PLEKHM3: variants seen among roughly 807,000 people sequenced by gnomAD.
The protein encoded by PLEKHM3 is pleckstrin homology domain containing M3.
A neutral mutation model predicts 81.8 loss-of-function variants in PLEKHM3; 45 were observed. The observed-to-expected ratio is 0.55, with a 90% CI of 0.43 to 0.71. The LOEUF (loss-of-function observed/expected upper bound fraction) is 0.71. Ranked by LOEUF, PLEKHM3 falls within the 30% of genes least tolerant of loss-of-function variation. The pLI is 0.00. For synonymous variants in PLEKHM3, 352 were observed against 356.4 expected, an observed-to-expected ratio of 0.99 and a Z score of 0.14; for missense variants, 788 against 924.3, an observed-to-expected ratio of 0.85 and a Z score of 1.91.
chr2:207,838,441 T>C (rs2092332264), intron 7 of PLEKHM3, among the ~76,000 whole-genome samples: 1 of 152,256 alleles, frequency 6.6e-6, no homozygotes, highest in Admixed American at 6.5e-5. Flanking sequence ...ACTTAAATCT[T>C]GGCTTTAAAA....
chr2:207,918,577 C>T (rs183467030), intron 5 of PLEKHM3, among the ~76,000 whole-genome samples: 1 of 152,048 alleles, frequency 6.6e-6, no homozygotes, highest in Admixed American at 6.6e-5. Context: ...CAAAAAACCA[C>T]TCTCATGGGG....
chr2:207,956,113 T>C (rs980787500), intron 3 of PLEKHM3, among the ~76,000 whole-genome samples: 3 of 152,158 alleles, frequency 2.0e-5, no homozygotes, highest in African/African-American at 7.2e-5. Context: ...CTGAGGCTCA[T>C]TGTAAATAGA....
intron 3 of PLEKHM3, among the ~76,000 whole-genome samples, chr2:207,959,920 T>A (rs962418863): frequency 2.0e-5 from 3 of 152,330 alleles, no homozygotes; most frequent in African/African-American, 7.2e-5. Context: ...CTTGGTGTAT[T>A]TTCTCTTCCT....
At chr2:207,846,299 A>T (rs950971874) in intron 7 of PLEKHM3, among the ~76,000 whole-genome samples, 3 of 151,462 alleles carry the variant, frequency 2.0e-5, no homozygotes, top group Non-Finnish European at 2.9e-5. Context: ...CCGCCACCAC[A>T]CCCGGCTAAT....
At chr2:207,892,411 T>C (rs987875015) in intron 6 of PLEKHM3, among the ~76,000 whole-genome samples, 5 of 152,228 alleles carry the variant, frequency 3.3e-5, no homozygotes, top group Admixed American at 1.3e-4. Context: ...TAAAATACTA[T>C]AGCTTCTCCT....
chr2:207,839,777 A>C (rs886259458), intron 7 of PLEKHM3, among the ~76,000 whole-genome samples: 1 of 152,126 alleles, frequency 6.6e-6, no homozygotes, highest in Non-Finnish European at 1.5e-5. Flanking sequence ...ACAGAAAAAA[A>C]TTAGCTGGGT....
intron 7 of PLEKHM3, among the ~76,000 whole-genome samples, chr2:207,844,396 G>A (rs1454041191): frequency 5.4e-5 from 8 of 148,912 alleles, no homozygotes; most frequent in African/African-American, 1.5e-4. Context: ...TCCGCCTCCC[G>A]GGCTCACGCC....
At chr2:208,004,095 C>T (rs1482914953) in intron 1 of PLEKHM3, among the ~76,000 whole-genome samples, 1 of 151,662 alleles carries the variant, frequency 6.6e-6, no homozygotes, top group Admixed American at 6.6e-5. Context: ...ATTTTTTATG[C>T]TTCTGGCTTG....
chr2:207,989,375 T>G (rs770101407), intron 2 of PLEKHM3, among the ~76,000 whole-genome samples: 7 of 152,190 alleles, frequency 4.6e-5, no homozygotes, highest in Non-Finnish European at 1.0e-4. Flanking sequence ...GGAGGTGGTA[T>G]CTGAGGTAGA....
Position 208,012,244 on chromosome 2 carries a change from C to T in PLEKHM3, c.-318-10287G>A, listed in dbSNP as rs188059084. On this transcript the variant is annotated intron_variant, in intron 1 of 7. Coordinates refer to ENST00000427836, the MANE Select transcript of PLEKHM3 (RefSeq NM_001080475.3). Reference sequence around the variant, plus strand: ...TTTTTTAGTAGAGACGGGGTTTCACCGTGTTAGCCAGGATGGTTTCCATCT... The same window carrying T: ...TTTTTTAGTAGAGACGGGGTTTCACTGTGTTAGCCAGGATGGTTTCCATCT... Among the ~76,000 whole-genome samples, 245 of 152,192 alleles carry T rather than the reference C, an allele frequency of 1.6e-3. 2 individuals are homozygous for T. The highest frequency in any genetic ancestry group is 2.9e-3 in the Non-Finnish European group (197 of 67,994).
rs375277146 is a variant in PLEKHM3, at chr2:207,861,200, C to T, written c.2013G>A (p.Val671=). The change falls in exon 7 of 8, where the codon GTG becomes GTA. Residue 671 remains valine (V), a synonymous_variant. Coordinates refer to ENST00000427836, the MANE Select transcript of PLEKHM3 (RefSeq NM_001080475.3). ...TCTGGCTACAAAGACTGCAGCTGTA[C>T]ACGTGTGAGGTGGCAAATTTAATGA... ...GKVIKFATSH[V]YSCSLCSQKG... 6.2e-7 allele frequency: 1 copy of T among 1,613,966 alleles called. No homozygotes were observed. Among genetic ancestry groups the T allele is most frequent in the African/African-American group, 1.3e-5 (1 of 74,910 alleles).
At chr2:207,964,688 C>T (rs1690853879) in intron 3 of PLEKHM3, among the ~76,000 whole-genome samples, 1 of 152,188 alleles carries the variant, frequency 6.6e-6, no homozygotes, top group Admixed American at 6.5e-5. Flanking sequence ...AGCTGTCCTC[C>T]TGATCTCACT....
intron 3 of PLEKHM3, among the ~76,000 whole-genome samples, chr2:207,959,992 TG>T (rs2105995384): frequency 6.6e-6 from 1 of 152,344 alleles, no homozygotes; most frequent in Admixed American, 6.5e-5. Flanking sequence ...CACATGTTTG[TG>T]ACTACCTCCA....
chr2:208,007,197 C>G (rs984429179), intron 1 of PLEKHM3, among the ~76,000 whole-genome samples: 1 of 152,188 alleles, frequency 6.6e-6, no homozygotes, highest in Non-Finnish European at 1.5e-5. Flanking sequence ...CCTAGGACAA[C>G]TTATGTCTAT....
chr2:207,861,785 C>G (rs1041789863), intron 6 of PLEKHM3, among the ~76,000 whole-genome samples: 4 of 152,040 alleles, frequency 2.6e-5, no homozygotes, highest in Admixed American at 2.6e-4. Flanking sequence ...AAAAAGCTTG[C>G]AATTTGGCAG....
At chr2:207,939,183 T>C (rs1293585930) in intron 4 of PLEKHM3, among the ~76,000 whole-genome samples, 1 of 152,236 alleles carries the variant, frequency 6.6e-6, no homozygotes, top group African/African-American at 2.4e-5. Context: ...TCAACTATCA[T>C]TCTTTCCCTC....
Position 208,001,156 on chromosome 2 carries a change from C to T in PLEKHM3, c.484G>A (p.Val162Ile). 1 of 1,613,614 alleles carries T rather than the reference C, an allele frequency of 6.2e-7. No homozygotes were observed. Among genetic ancestry groups the T allele is most frequent in the Admixed American group, 1.7e-5 (1 of 59,974 alleles). ...TGCTGCAAAGGCGTGGTTTTGAGGA[C>T]TACCCTCCAGTCCACTTGGGTAATA... Reference protein sequence around the residue: ...SDITQVDWRVVLKTTPLQQQQ... With the variant: ...SDITQVDWRVILKTTPLQQQQ... The change falls in exon 2 of 8, where the codon GTC (valine) becomes ATC (isoleucine). Residue 162 changes from valine to isoleucine, a missense_variant. Physicochemically the swap from Val to Ile is conservative, Grantham distance 29. Transcript: ENST00000427836.
chr2:207,895,777 C>T (rs1688205593), intron 6 of PLEKHM3, among the ~76,000 whole-genome samples: 1 of 152,328 alleles, frequency 6.6e-6, no homozygotes. Context: ...CTTTTGTTTA[C>T]TGGGCATTAT....
At chr2:207,996,446 GA>G (rs576819453) in intron 2 of PLEKHM3, among the ~76,000 whole-genome samples, 1 of 152,176 alleles carries the variant, frequency 6.6e-6, no homozygotes, top group Non-Finnish European at 1.5e-5. Flanking sequence ...GTTCTTGCCA[GA>G]ATTCATTCAT....
Sources: gnomAD v4.1 joint callset for allele counts (sites outside exome capture counted in the v4.1 genomes callset) on GRCh38, gnomAD v4.1.1 for gene constraint, MANE v1.5 for transcripts, NCBI Gene and HGNC (gene_info 2026-07-23, HGNC 2026-07-21) for gene names.